The following DOCK1 variants were observed in gnomAD, a reference collection of about 807,000 sequenced individuals.
DOCK1 encodes dedicator of cytokinesis protein 1.
DOCK1 carries 138 observed loss-of-function variants against 262.7 expected under a neutral mutation model. The ratio of observed to expected loss-of-function variants is 0.53; its 90% CI spans 0.46 to 0.61. The LOEUF (loss-of-function observed/expected upper bound fraction) is 0.61, where lower values mean the gene tolerates loss of function less well. Ranked by LOEUF, DOCK1 falls within the 20% of genes least tolerant of loss-of-function variation. The pLI, the probability that DOCK1 is intolerant of heterozygous loss-of-function variation, is 0.00. For missense variants in DOCK1, 1,908 were observed against 2,370.7 expected (o/e 0.80, Z 4.05); for synonymous variants, 866 against 867.4 (o/e 1.00, Z 0.03).
rs377395109 is a variant in DOCK1, at chr10:127,419,719, C to G, written c.4746C>G (p.Ile1582Met). 63 of 1,604,038 alleles carry G rather than the reference C, an allele frequency of 3.9e-5. No individual in the cohort carries two copies. Among genetic ancestry groups the G allele is most frequent in the Non-Finnish European group, 5.2e-5 (61 of 1,175,124 alleles). Reference protein sequence around the residue: ...LQEHPEAHEKIEKLKDLIAWQ... With the variant: ...LQEHPEAHEKMEKLKDLIAWQ... ...AGCACCCTGAGGCCCATGAAAAGAT[C>G]GAGAAGCTCAAGGACCTGATTGCTT... The change falls in exon 46 of 52, where the codon ATC becomes ATG. Residue 1582 changes from isoleucine to methionine, a missense_variant. Physicochemically the swap from Ile to Met is conservative, Grantham distance 10. This residue lies in a region of DOCK1 where 383 missense variants were observed against 420.1 expected (regional missense o/e 0.91). Transcript: ENST00000623213.
At chr10:127,040,925 C>T (rs1367187639) in intron 19 of DOCK1, among the ~76,000 whole-genome samples, 7 of 152,100 alleles carry the variant, frequency 4.6e-5, no homozygotes, top group Admixed American at 2.6e-4. Context: ...GTCACTTTCT[C>T]CTCTTCCTGT....
intron 29 of DOCK1, among the ~76,000 whole-genome samples, chr10:127,267,170 T>C (rs2060391281): frequency 6.6e-6 from 1 of 152,218 alleles, no homozygotes; most frequent in African/African-American, 2.4e-5. Flanking sequence ...TTGGCAGTTC[T>C]CTCTCAGCAG....
intron 29 of DOCK1, among the ~76,000 whole-genome samples, chr10:127,318,752 G>A (rs1482996827): frequency 1.3e-5 from 2 of 152,218 alleles, no homozygotes; most frequent in Non-Finnish European, 2.9e-5. Flanking sequence ...CTCTGCCTTC[G>A]TGGAGTTTGC....
intron 25 of DOCK1, among the ~76,000 whole-genome samples, chr10:127,116,199 T>C (rs1487082777): frequency 6.6e-6 from 1 of 152,160 alleles, no homozygotes; most frequent in Non-Finnish European, 1.5e-5. Context: ...CTGGCTCTCC[T>C]GGGGCTCCTC....
intron 27 of DOCK1, among the ~76,000 whole-genome samples, chr10:127,234,763 T>G (rs945952992): frequency 1.3e-5 from 2 of 152,062 alleles, no homozygotes; most frequent in East Asian, 3.9e-4. Flanking sequence ...ATTTGAAAGC[T>G]ACAATAAAGT....
intron 29 of DOCK1, among the ~76,000 whole-genome samples, chr10:127,260,306 A>C (rs1365343776): frequency 6.6e-6 from 1 of 152,316 alleles, no homozygotes; most frequent in African/African-American, 2.4e-5. Context: ...TCCTCTCAGC[A>C]GTTGATTGGA....
At chr10:127,208,675 T>C (rs1323617535) in intron 27 of DOCK1, among the ~76,000 whole-genome samples, 1 of 152,190 alleles carries the variant, frequency 6.6e-6, no homozygotes, top group Admixed American at 6.5e-5. Flanking sequence ...TTCATTTTTT[T>C]AAAAACATGA....
At chr10:127,312,343 A>G (rs2062092704) in intron 29 of DOCK1, among the ~76,000 whole-genome samples, 1 of 152,140 alleles carries the variant, frequency 6.6e-6, no homozygotes, top group Non-Finnish European at 1.5e-5. Flanking sequence ...TGCACTCCCC[A>G]GTGCACTGGC....
chr10:126,962,259 G>A (rs953912605), intron 1 of DOCK1, among the ~76,000 whole-genome samples: 4 of 151,726 alleles, frequency 2.6e-5, no homozygotes, highest in Admixed American at 2.0e-4. Context: ...TCCCCGGTTC[G>A]AACAATTCTC....
At chr10:127,214,308 T>C (rs2058109786) in intron 27 of DOCK1, among the ~76,000 whole-genome samples, 2 of 152,190 alleles carry the variant, frequency 1.3e-5, no homozygotes, top group African/African-American at 4.8e-5. Flanking sequence ...TGTGATGTGG[T>C]CTCTACACAG....
At chr10:126,958,524 GTGA>G (rs2036930477) in intron 1 of DOCK1, among the ~76,000 whole-genome samples, 1 of 152,176 alleles carries the variant, frequency 6.6e-6, no homozygotes, top group Non-Finnish European at 1.5e-5. Context: ...TGATCGAGAG[GTGA>G]TGATGTCTTG....
intron 29 of DOCK1, among the ~76,000 whole-genome samples, chr10:127,327,980 A>G (rs1177238304): frequency 2.0e-5 from 3 of 152,074 alleles, no homozygotes; most frequent in Admixed American, 6.5e-5. Flanking sequence ...CACACCCCAC[A>G]TAGAGAGACC....
intron 27 of DOCK1, among the ~76,000 whole-genome samples, chr10:127,214,724 G>C (rs1412345962): frequency 6.6e-6 from 1 of 152,114 alleles, no homozygotes; most frequent in Non-Finnish European, 1.5e-5. Context: ...CAGGCCAACA[G>C]GTCCTTAAGG....
chr10:127,063,376 A>G (rs2045660242), intron 23 of DOCK1, among the ~76,000 whole-genome samples: 1 of 152,212 alleles, frequency 6.6e-6, no homozygotes, highest in Non-Finnish European at 1.5e-5. Context: ...GGAAACCAGC[A>G]TAAGTAGACA....
intron 29 of DOCK1, among the ~76,000 whole-genome samples, chr10:127,335,400 C>G (rs1348142586): frequency 6.6e-6 from 1 of 152,198 alleles, no homozygotes; most frequent in East Asian, 1.9e-4. Flanking sequence ...AAGGCATCCT[C>G]CCATCCAAAC....
At chr10:126,939,439 T>C (rs905106632) in intron 1 of DOCK1, among the ~76,000 whole-genome samples, 44 of 152,372 alleles carry the variant, frequency 2.9e-4, no homozygotes, top group South Asian at 1.2e-3. Flanking sequence ...ATCTAAATTC[T>C]AGGATGAATT....
intron 27 of DOCK1, among the ~76,000 whole-genome samples, chr10:127,211,855 T>TG (rs1437256914): frequency 6.6e-6 from 1 of 152,210 alleles, no homozygotes; most frequent in Admixed American, 6.5e-5. Flanking sequence ...TCCCCGCTGC[T>TG]GGACTCTTGC....
chr10:127,399,745 A>C (rs2067113051), intron 38 of DOCK1, among the ~76,000 whole-genome samples: 1 of 151,354 alleles, frequency 6.6e-6, no homozygotes, highest in South Asian at 2.1e-4. Flanking sequence ...TTTAAAAAAA[A>C]ATAAGAAGAA....
At chr10:127,122,533 G>A (rs1226060651) in intron 25 of DOCK1, among the ~76,000 whole-genome samples, 1 of 151,890 alleles carries the variant, frequency 6.6e-6, no homozygotes, top group Non-Finnish European at 1.5e-5. Flanking sequence ...AGTAGACATC[G>A]CCCCACCTCC....
Sources: allele counts gnomAD v4.1 joint callset (sites outside exome capture counted in the v4.1 genomes callset), GRCh38; gene constraint gnomAD v4.1.1; regional missense constraint gnomAD v4.1.1; transcripts MANE v1.5; gene names NCBI Gene and HGNC (gene_info 2026-07-23, HGNC 2026-07-21).